RHOBTB2: variants seen among roughly 807,000 people sequenced by gnomAD.
The protein encoded by RHOBTB2 is rho-related BTB domain-containing protein 2.
A neutral mutation model predicts 66.5 loss-of-function variants in RHOBTB2; 39 were observed. The observed-to-expected ratio is 0.59, with a 90% CI of 0.45 to 0.77. The LOEUF (loss-of-function observed/expected upper bound fraction) is 0.77, where lower values mean the gene tolerates loss of function less well. RHOBTB2 is among the 30% of genes least tolerant of loss of function. The probability of loss-of-function intolerance (pLI) is 0.00; values close to 1 mark genes in which losing one functional copy is unlikely to be tolerated. For missense variants in RHOBTB2, 755 were observed against 999.1 expected (o/e 0.76, Z 3.29); for synonymous variants, 390 against 395.0 (o/e 0.99, Z 0.15).
At chr8:22,985,662 G>C (rs1810274302), upstream of RHOBTB2, among the ~76,000 whole-genome samples, 1 of 152,218 alleles carries the variant, frequency 6.6e-6, no homozygotes, top group African/African-American at 2.4e-5. Flanking sequence ...AGGTGCGATG[G>C]AGGGCTGGAA....
At chr8:23,015,347 C>T (rs922659597) in intron 8 of RHOBTB2, among the ~76,000 whole-genome samples, 1 of 152,230 alleles carries the variant, frequency 6.6e-6, no homozygotes, top group Admixed American at 6.5e-5. Flanking sequence ...CTGAGGAGGG[C>T]AGATGCAGTA....
chr8:22,972,910 T>A, the RHOBTB2 span, among the ~76,000 whole-genome samples: 3 of 152,222 alleles, frequency 2.0e-5, no homozygotes, highest in Admixed American at 1.3e-4. Flanking sequence ...TTTCTGAATC[T>A]GCCGTGCAGC....
the RHOBTB2 span, among the ~76,000 whole-genome samples, chr8:22,971,029 C>T: frequency 0.26 from 39,927 of 151,960 alleles, 5,762 homozygotes; most frequent in East Asian, 0.53. Flanking sequence ...ATAGAAGTTA[C>T]GAGACAAAAA....
upstream of RHOBTB2, among the ~76,000 whole-genome samples, chr8:22,983,180 G>T (rs1810237804): frequency 6.6e-6 from 1 of 152,158 alleles, no homozygotes; most frequent in Admixed American, 6.5e-5. Flanking sequence ...GGATGGGGAG[G>T]TGCCTCTGAT....
upstream of RHOBTB2, chr8:22,984,588 T>G (rs1407500106): frequency 6.6e-6 from 1 of 152,234 alleles, no homozygotes; most frequent in Non-Finnish European, 1.5e-5. Flanking sequence ...TCCAGACTCT[T>G]AAACCCACCT....
upstream of RHOBTB2, among the ~76,000 whole-genome samples, chr8:22,995,445 A>G (rs1025802096): frequency 2.6e-5 from 4 of 152,230 alleles, no homozygotes; most frequent in African/African-American, 9.6e-5. Flanking sequence ...CACTTTGTCA[A>G]GTGTAAGAAA....
At chr8:22,959,077 T>G in the RHOBTB2 span, among the ~76,000 whole-genome samples, 16 of 152,352 alleles carry the variant, frequency 1.1e-4, no homozygotes, top group African/African-American at 3.8e-4. Flanking sequence ...CATTGTTCAC[T>G]CTCCTTAACC....
the RHOBTB2 span, among the ~76,000 whole-genome samples, chr8:22,969,886 G>A: frequency 2.0e-5 from 3 of 152,014 alleles, no homozygotes; most frequent in Non-Finnish European, 4.4e-5. Flanking sequence ...CAAGTAGCTG[G>A]GACTACAGGC....
chr8:22,973,383 C>T, the RHOBTB2 span, among the ~76,000 whole-genome samples: 6 of 152,206 alleles, frequency 3.9e-5, no homozygotes, highest in African/African-American at 1.2e-4. Flanking sequence ...TGTGTGCTGC[C>T]ATACAGGACT....
chr8:23,007,203 C>T lies in RHOBTB2; in HGVS notation c.958C>T (p.Gln320Ter), dbSNP rs2128804682. The T allele has an allele frequency of 6.2e-7, 1 of 1,605,364 alleles. No individual in the cohort carries two copies. The highest frequency in any genetic ancestry group is 1.3e-5 in the African/African-American group (1 of 74,996). ...AGGGGGCACCCACCCAGAGGACCAC[C>T]AGGGCCACTCTGATCAACACCACCA... ...EPGGTHPEDH[Q>*]GHSDQHHHHH... The change falls in exon 5 of 10, where the codon CAG becomes TAG. Residue 320 changes from glutamine (Q) to a stop codon, truncating the protein, a stop_gained. Coordinates refer to ENST00000251822, the MANE Select transcript of RHOBTB2 (RefSeq NM_015178.3). LOFTEE classifies it high-confidence loss of function.
chr8:22,970,918 G>C, the RHOBTB2 span, among the ~76,000 whole-genome samples: 1 of 152,098 alleles, frequency 6.6e-6, no homozygotes. Context: ...TAATTTTCTA[G>C]TGCCTTCTCC....
chr8:22,993,732 G>T (rs1810479041), intron 2 of RHOBTB2, among the ~76,000 whole-genome samples: 1 of 152,150 alleles, frequency 6.6e-6, no homozygotes, highest in South Asian at 2.1e-4. Context: ...CCCCTGAAGG[G>T]TTGTCACAGA....
the RHOBTB2 span, among the ~76,000 whole-genome samples, chr8:22,975,687 G>A: frequency 1.7e-4 from 26 of 152,326 alleles, no homozygotes; most frequent in Non-Finnish European, 2.9e-4. Flanking sequence ...CAGGATGTGT[G>A]TGAAACCTGG....
At chr8:22,991,848 C>A (rs960374039) in intron 1 of RHOBTB2, among the ~76,000 whole-genome samples, 47 of 152,170 alleles carry the variant, frequency 3.1e-4, no homozygotes, top group Admixed American at 2.4e-3. Flanking sequence ...GCAGCTACGA[C>A]CCTAAATTCA....
At chr8:23,016,336 G>A (rs1811291155) in intron 9 of RHOBTB2, among the ~76,000 whole-genome samples, 4 of 152,106 alleles carry the variant, frequency 2.6e-5, no homozygotes, top group Admixed American at 2.0e-4. Context: ...CCCTGCTGCC[G>A]TGTTTTTGCC....
At chr8:22,967,815 C>A in the RHOBTB2 span, among the ~76,000 whole-genome samples, 2 of 151,800 alleles carry the variant, frequency 1.3e-5, no homozygotes, top group Non-Finnish European at 2.9e-5. Context: ...GGTGGCACAA[C>A]AATGCGAATG....
chr8:22,951,391 T>A, the RHOBTB2 span, among the ~76,000 whole-genome samples: 1 of 151,838 alleles, frequency 6.6e-6, no homozygotes, highest in East Asian at 1.9e-4. Flanking sequence ...GTCACGCGCA[T>A]CCATGTAAAG....
chr8:22,995,417 G>A (rs981797229), upstream of RHOBTB2, among the ~76,000 whole-genome samples: 4 of 152,204 alleles, frequency 2.6e-5, no homozygotes, highest in South Asian at 8.3e-4. Context: ...GGAGCACAGG[G>A]GAAGAACAGG....
At chr8:22,970,554 T>A in the RHOBTB2 span, among the ~76,000 whole-genome samples, 1 of 151,244 alleles carries the variant, frequency 6.6e-6, no homozygotes, top group Non-Finnish European at 1.5e-5. Context: ...TGAGGTATAA[T>A]CATGCCACTG....
Sources: gnomAD v4.1 joint callset for allele counts (sites outside exome capture counted in the v4.1 genomes callset) on GRCh38, gnomAD v4.1.1 for gene constraint, MANE v1.5 for transcripts, NCBI Gene and HGNC (gene_info 2026-07-23, HGNC 2026-07-21) for gene names.